Variants in MFN2 observed in about 807,000 individuals in gnomAD.
MFN2 encodes the protein mitofusin-2.
Under a neutral mutation model 87.5 loss-of-function variants are expected in MFN2, and 43 were observed. The ratio of observed to expected loss-of-function variants is 0.49; its 90% CI spans 0.38 to 0.63. The LOEUF (loss-of-function observed/expected upper bound fraction) is 0.63. Among genes scored for constraint, MFN2 ranks in the 30% least tolerant of loss-of-function variants. The pLI, the probability that MFN2 is intolerant of heterozygous loss-of-function variation, is 0.00. For synonymous variants in MFN2, 337 were observed against 359.9 expected (o/e 0.94, Z 0.72); for missense variants, 743 against 972.8 (o/e 0.76, Z 3.14).
chr1:11,987,795 A>T (rs532374840), intron 2 of MFN2, among the ~76,000 whole-genome samples: 27 of 152,114 alleles, frequency 1.8e-4, no homozygotes, highest in Admixed American at 8.5e-4. Context: ...AAAAAATTTT[A>T]AAAAAATTAG....
In MFN2 at chr1:12,004,141, T is replaced by C; in HGVS notation, c.1287+23T>C. 5 of 1,613,500 alleles carry C rather than the reference T, an allele frequency of 3.1e-6. No individual in the cohort carries two copies. Among genetic ancestry groups the C allele is most frequent in the Non-Finnish European group, 2.5e-6 (3 of 1,179,992 alleles). ...CAGGTGAGAAATGAGGAGGAGGCAT[T>C]CTGGGAAGATTTGGACTCCGAGTAG... On this transcript the variant is annotated intron_variant, in intron 12 of 18. Coordinates refer to ENST00000235329, the MANE Select transcript of MFN2 (RefSeq NM_014874.4). The surrounding 1 kb of genome is among the most constrained non-coding windows in gnomAD (Gnocchi z 4.2).
intron 8 of MFN2, 46 bp downstream of exon 8, chr1:11,999,141 GCACTGCCTGC>G: frequency 6.6e-7 from 1 of 1,516,240 alleles, no homozygotes; most frequent in Non-Finnish European, 9.2e-7. Flanking sequence ...CCCCGAGGGA[GCACTGCCTGC>G]CACTGGGGCC....
chr1:12,009,382 C>T (rs932631818), intron 17 of MFN2, among the ~76,000 whole-genome samples: 6 of 152,220 alleles, frequency 3.9e-5, no homozygotes, highest in South Asian at 2.1e-4. Flanking sequence ...TGTTGCTTCT[C>T]AGGCCGTGGT....
rs1408427184 is a variant in MFN2, at chr1:12,003,938, T to C, written c.1161-54T>C. 6.2e-7 allele frequency: 1 copy of C among 1,613,104 alleles called. No individual in the cohort carries two copies. The highest frequency in any genetic ancestry group is 8.5e-7 in the Non-Finnish European group (1 of 1,179,328). On this transcript the variant is annotated intron_variant, in intron 11 of 18. Coordinates refer to ENST00000235329, the MANE Select transcript of MFN2 (RefSeq NM_014874.4). This position sits in a 1 kb window ranked among gnomAD's most constrained non-coding sequence, Gnocchi z 4.1. ...TGGGATTTCTGGCATCCCCTCTTGC[T>C]CCTCTGCTTAGTCAGACAGGAACAT...
chr1:11,993,214 C>T (rs1360238121), intron 4 of MFN2, among the ~76,000 whole-genome samples: 1 of 151,972 alleles, frequency 6.6e-6, no homozygotes, highest in Non-Finnish European at 1.5e-5. Flanking sequence ...AGATGTCTCA[C>T]GTAAGTGGAA....
chr1:11,993,441 G>A (rs1180715011), intron 4 of MFN2, among the ~76,000 whole-genome samples: 1 of 152,064 alleles, frequency 6.6e-6, no homozygotes, highest in African/African-American at 2.4e-5. Flanking sequence ...CAAAAGCAAA[G>A]AATCTAAAAA....
At chr1:12,005,668 G>A in intron 14 of MFN2, 43 bp from the exon 15 acceptor site, 2 of 1,587,814 alleles carry the variant, frequency 1.3e-6, no homozygotes, top group Non-Finnish European at 1.7e-6. Context: ...CTGTGGTGCA[G>A]GGCTGAGCTG....
intron 2 of MFN2, among the ~76,000 whole-genome samples, chr1:11,986,790 C>T (rs975762103): frequency 6.6e-6 from 1 of 151,892 alleles, no homozygotes; most frequent in Non-Finnish European, 1.5e-5. Context: ...GGGGTTTCAC[C>T]ATGTTGGCCA....
rs1344071943 is a variant in MFN2 at position 12,013,101 on chromosome 1, G to T, written c.*1536G>T. The T allele has an allele frequency of 2.9e-6, 1 of 342,974 alleles. No individual in the cohort carries two copies. Among genetic ancestry groups the T allele is most frequent in the East Asian group, 7.9e-5 (1 of 12,580 alleles). 21.2% of individuals were successfully genotyped at this position (342,974 alleles called of 1,614,324 possible). Reference sequence around the variant, plus strand: ...GGACATGCTGTGGGTGGATGTTCCCGGCGTGTGCCGGGCCTGAATGGACAG... The same window carrying T: ...GGACATGCTGTGGGTGGATGTTCCCTGCGTGTGCCGGGCCTGAATGGACAG... On this transcript the variant is annotated 3_prime_UTR_variant, in exon 19 of 19. Coordinates refer to ENST00000235329, the MANE Select transcript of MFN2 (RefSeq NM_014874.4).
chr1:12,011,631 T>A lies in MFN2; in HGVS notation c.*66T>A. 1 of 1,554,540 alleles carries A rather than the reference T, an allele frequency of 6.4e-7. No homozygotes were observed. Among genetic ancestry groups the A allele is most frequent in the Non-Finnish European group, 8.9e-7 (1 of 1,128,524 alleles). On this transcript the variant is annotated 3_prime_UTR_variant, in exon 19 of 19. Coordinates refer to ENST00000235329, the MANE Select transcript of MFN2 (RefSeq NM_014874.4). ...TGCCAGCCCTAAGTGCCATGTGGGC[T>A]CCCCCAGGGGCACGTGTGGCTCCTG...
chr1:11,999,175 C>T lies in MFN2; in HGVS notation c.816+80C>T, dbSNP rs1210271821. The T allele has an allele frequency of 6.2e-6, 7 of 1,136,330 alleles. No individual in the cohort carries two copies. In the African/African-American group the frequency reaches 9.1e-5, roughly 15 times the overall value. 70.4% of individuals were successfully genotyped at this position (1,136,330 alleles called of 1,614,324 possible). On this transcript the variant is annotated intron_variant, in intron 8 of 18. Coordinates refer to ENST00000235329, the MANE Select transcript of MFN2 (RefSeq NM_014874.4). The stretch of plus-strand genomic sequence containing the variant: ...GCCACTGGGGCCACTTCCTGCACCC[C>T]TGGATCTAGTGACTTCCCTGAATTA...
rs1304219113 is a variant in MFN2, at chr1:12,004,604, TTA to T, written c.1386_1387del (p.Tyr462Ter). 1 of 1,613,780 alleles carries T rather than the reference TTA, an allele frequency of 6.2e-7. No homozygotes were observed. The highest frequency in any genetic ancestry group is 1.1e-5 in the South Asian group (1 of 91,070). Reference protein sequence around the residue: ...FHPSPVVLKVYKNELHRHIEE... With the variant: ...FHPSPVVLKVXKNELHRHIEE... ...ACCCTTCTCCAGTAGTCCTCAAGGT[TTA>T]TAAGAATGTGAGTCATGGAGCAACA... On this transcript the variant is annotated frameshift_variant, in exon 13 of 19. Coordinates refer to ENST00000235329, the MANE Select transcript of MFN2 (RefSeq NM_014874.4). LOFTEE classifies it high-confidence loss of function. The surrounding 1 kb of genome is among the most constrained non-coding windows in gnomAD (Gnocchi z 4.2).
At chr1:12,005,503 A>G (rs1639366822) in intron 14 of MFN2, among the ~76,000 whole-genome samples, 1 of 152,242 alleles carries the variant, frequency 6.6e-6, no homozygotes, top group African/African-American at 2.4e-5. Flanking sequence ...TGTTAGCAGT[A>G]TGGCATCTGA....
At chr1:11,981,612 C>G (rs1193068157) in intron 1 of MFN2, among the ~76,000 whole-genome samples, 4 of 152,256 alleles carry the variant, frequency 2.6e-5, no homozygotes, top group Non-Finnish European at 5.9e-5. Context: ...GTCAGTTCTT[C>G]TGTTCCTCAA....
At chr1:11,992,457 G>A (rs574404106) in intron 3 of MFN2, 98 bp from the exon 4 acceptor site, 29 of 1,504,404 alleles carry the variant, frequency 1.9e-5, no homozygotes, top group East Asian at 1.4e-4. Flanking sequence ...AGGTGGACTC[G>A]TTTAGGGTAA....
intron 3 of MFN2, among the ~76,000 whole-genome samples, chr1:11,990,785 C>G (rs943190587): frequency 2.0e-5 from 3 of 152,016 alleles, no homozygotes; most frequent in African/African-American, 7.3e-5. Flanking sequence ...CAGCTTCCTC[C>G]GAGGGACATT....
Position 11,985,455 on chromosome 1 carries a change from CTTTTTTTTTTT to C in MFN2, c.-5+3358_-5+3368del, listed in dbSNP as rs774330626. Among the ~76,000 whole-genome samples, 98 of 119,706 alleles carry C rather than the reference CTTTTTTTTTTT, an allele frequency of 8.2e-4. 2 individuals carry two copies. The highest frequency in any genetic ancestry group is 3.6e-3 in the African/African-American group (96 of 26,634). 78.5% of individuals were successfully genotyped at this position (119,706 alleles called of 152,430 possible). On this transcript the variant is annotated intron_variant, in intron 2 of 18. Transcript: ENST00000235329. ...CTATATCATGCCCCATCCTTGATCC[CTTTTTTTTTTT>C]TTTTTTTTTTTTTTTTAAAGAGAGA... is the stretch of plus-strand genomic sequence containing the variant.
At chr1:11,985,547 A>C (rs1445286950) in intron 2 of MFN2, among the ~76,000 whole-genome samples, 1 of 149,478 alleles carries the variant, frequency 6.7e-6, no homozygotes, top group Non-Finnish European at 1.5e-5. Flanking sequence ...GCTCACTGCA[A>C]ATTCTACCTC....
Position 11,999,169 on chromosome 1 carries a change from G to A in MFN2, c.816+74G>A, listed in dbSNP as rs1639065234. ...CTGCCTGCCACTGGGGCCACTTCCT[G>A]CACCCCTGGATCTAGTGACTTCCCT... On this transcript the variant is annotated intron_variant, in intron 8 of 18. Coordinates refer to ENST00000235329, the MANE Select transcript of MFN2 (RefSeq NM_014874.4). 2.5e-6 allele frequency: 3 copies of A among 1,207,610 alleles called. No homozygotes were observed. In the East Asian group the frequency reaches 7.0e-5, roughly 28 times the overall value. 74.8% of individuals were successfully genotyped at this position (1,207,610 alleles called of 1,614,324 possible).
Sources: allele counts gnomAD v4.1 joint callset (sites outside exome capture counted in the v4.1 genomes callset), GRCh38; gene constraint gnomAD v4.1.1; non-coding constraint Gnocchi (gnomAD v3.1); transcripts MANE v1.5; gene names NCBI Gene and HGNC (gene_info 2026-07-23, HGNC 2026-07-21).